SNX9: variants seen among roughly 807,000 people sequenced by gnomAD.
SNX9 encodes the protein sorting nexin-9.
A neutral mutation model predicts 89.4 loss-of-function variants in SNX9; 44 were observed. That is an observed-to-expected ratio of 0.49 (90% CI 0.39 to 0.63). SNX9 has a LOEUF of 0.63. Among genes scored for constraint, SNX9 ranks in the 30% least tolerant of loss-of-function variants. SNX9 has a pLI of 0.00. For synonymous variants in SNX9, 236 were observed against 247.8 expected (o/e 0.95, Z 0.45); for missense variants, 578 against 736.1 (o/e 0.79, Z 2.49).
intron 1 of SNX9, among the ~76,000 whole-genome samples, chr6:157,859,570 G>T (rs1218658306): frequency 1.3e-5 from 2 of 152,212 alleles, no homozygotes; most frequent in African/African-American, 4.8e-5. Flanking sequence ...TATTCTGTTT[G>T]TGAAGCTGTA....
At chr6:157,826,831 T>G (rs1583185102) in intron 1 of SNX9, among the ~76,000 whole-genome samples, 2 of 116,436 alleles carry the variant, frequency 1.7e-5, no homozygotes, top group South Asian at 4.5e-4. Flanking sequence ...TATTATATTT[T>G]ATATATATAT....
chr6:157,829,803 A>T (rs1781447800), intron 1 of SNX9, among the ~76,000 whole-genome samples: 1 of 152,162 alleles, frequency 6.6e-6, no homozygotes, highest in Non-Finnish European at 1.5e-5. Context: ...CCAATAGCTG[A>T]ATTTTACCTT....
chr6:157,928,772 A>T, intron 12 of SNX9, 70 bp downstream of exon 12: 1 of 1,200,018 alleles, frequency 8.3e-7, no homozygotes, highest in Non-Finnish European at 1.1e-6. Flanking sequence ...GTCCCTTATC[A>T]TAGAGGGGAA....
At chr6:157,853,435 G>T (rs1168357131) in intron 1 of SNX9, among the ~76,000 whole-genome samples, 47 of 151,878 alleles carry the variant, frequency 3.1e-4, no homozygotes, top group Non-Finnish European at 1.0e-4. Flanking sequence ...TTTCTTTGTG[G>T]TTTTTTTCCT....
At chr6:157,878,063 T>C (rs1782552984) in intron 4 of SNX9, among the ~76,000 whole-genome samples, 1 of 152,232 alleles carries the variant, frequency 6.6e-6, no homozygotes, top group South Asian at 2.1e-4. Flanking sequence ...AAGATAGCAC[T>C]TTCTTTTGGT....
chr6:157,883,252 C>T (rs974975823), intron 4 of SNX9, among the ~76,000 whole-genome samples: 79 of 152,204 alleles, frequency 5.2e-4, no homozygotes, highest in African/African-American at 1.8e-3. Flanking sequence ...CTCTCGCACA[C>T]TTATACGGTA....
At chr6:157,844,106 C>T (rs928860718) in intron 1 of SNX9, among the ~76,000 whole-genome samples, 4 of 151,966 alleles carry the variant, frequency 2.6e-5, no homozygotes, top group Admixed American at 6.6e-5. Context: ...AACTCCTGGC[C>T]CCAAGCTGTC....
In SNX9 at chr6:157,823,530, G is replaced by C. The variant is rs1036676277; in HGVS notation, c.12+84G>C. On this transcript the variant is annotated intron_variant, in intron 1 of 17. Transcript: ENST00000392185. The surrounding 1 kb of genome is among the most constrained non-coding windows in gnomAD (Gnocchi z 4.6). ...GGTCGGGGCCGGGGCCGCGGGGAGG[G>C]TCGGGGCCAGGGGTGGTCGAGGGGC... 150 of 1,114,380 alleles carry C rather than the reference G, an allele frequency of 1.3e-4. No individual in the cohort carries two copies. Among genetic ancestry groups the C allele is most frequent in the Middle Eastern group, 3.6e-4 (1 of 2,746 alleles). 69.0% of individuals were successfully genotyped at this position (1,114,380 alleles called of 1,614,324 possible).
intron 12 of SNX9, among the ~76,000 whole-genome samples, chr6:157,931,280 G>A (rs949391247): frequency 6.7e-6 from 1 of 150,342 alleles, no homozygotes; most frequent in Admixed American, 6.6e-5. Flanking sequence ...AACTGAGCTC[G>A]TGTAATTTGG....
Position 157,944,280 on chromosome 6 carries a change from C to T in SNX9, c.*1442C>T, listed in dbSNP as rs1287570627. 3 of 152,578 alleles carry T rather than the reference C, an allele frequency of 2.0e-5. No individual in the cohort carries two copies. Among genetic ancestry groups the T allele is most frequent in the Non-Finnish European group, 4.4e-5 (3 of 68,036 alleles). The allele number at this position is 152,578 out of a possible 1,614,324, so 9.5% of individuals were successfully genotyped here. On this transcript the variant is annotated 3_prime_UTR_variant, in exon 18 of 18. Coordinates refer to ENST00000392185, the MANE Select transcript of SNX9 (RefSeq NM_016224.5). Reference sequence around the variant, plus strand: ...GACACCAAAAATAAGTAGATGAAATCAAATGAATATGAGAACATCTTGTTC... The same window carrying T: ...GACACCAAAAATAAGTAGATGAAATTAAATGAATATGAGAACATCTTGTTC...
At chr6:157,862,398 A>G (rs187962692) in intron 1 of SNX9, among the ~76,000 whole-genome samples, 90 of 152,368 alleles carry the variant, frequency 5.9e-4, no homozygotes, top group Non-Finnish European at 1.1e-3. Context: ...TTAAAGAGGT[A>G]AACTAGTTAT....
At chr6:157,897,627 C>T (rs991652969) in intron 5 of SNX9, among the ~76,000 whole-genome samples, 2 of 152,142 alleles carry the variant, frequency 1.3e-5, no homozygotes, top group Non-Finnish European at 2.9e-5. Flanking sequence ...CTCACCTCAG[C>T]CTCCTGAGTA....
intron 1 of SNX9, among the ~76,000 whole-genome samples, chr6:157,854,953 T>TAA (rs538405265): frequency 6.2e-5 from 8 of 129,310 alleles, no homozygotes; most frequent in East Asian, 2.2e-4. Context: ...AGGTTCATGT[T>TAA]AAAAAAAAAA....
chr6:157,935,896 T>A, intron 13 of SNX9, 68 bp from the exon 14 acceptor site: 2 of 1,130,378 alleles, frequency 1.8e-6, no homozygotes, highest in Non-Finnish European at 2.5e-6. Context: ...AAATCAATAA[T>A]AAAATTTTAA....
Position 157,901,884 on chromosome 6 carries a change from A to AT in SNX9, c.473-10dup, listed in dbSNP as rs1783105225. On this transcript the variant is annotated splice_polypyrimidine_tract_variant and intron_variant, in intron 5 of 17. Coordinates refer to ENST00000392185, the MANE Select transcript of SNX9 (RefSeq NM_016224.5). ...TTTTTTTTTTAACTGATGATCTTCC[A>AT]TTTTCACCTCTAGCAACTGGTGATG... The AT allele has an allele frequency of 1.3e-6, 2 of 1,564,306 alleles. No homozygotes were observed.
chr6:157,850,403 A>G (rs1781888574), intron 1 of SNX9, among the ~76,000 whole-genome samples: 2 of 152,092 alleles, frequency 1.3e-5, no homozygotes, highest in South Asian at 2.1e-4. Context: ...GGGTTGAGGG[A>G]TGGTTTCTTC....
intron 16 of SNX9, among the ~76,000 whole-genome samples, chr6:157,940,561 G>A (rs1784017061): frequency 6.6e-6 from 1 of 152,204 alleles, no homozygotes; most frequent in African/African-American, 2.4e-5. Flanking sequence ...GGGATTACAG[G>A]CACCTGTTGC....
At position 157,896,964 on chromosome 6, in the gene SNX9, T is replaced by G. The variant is rs780283395; in HGVS notation, c.438T>G (p.Thr146=). Residue 146 remains threonine (T), a synonymous_variant, in exon 5 of 18, where the codon ACT becomes ACG. Coordinates refer to ENST00000392185, the MANE Select transcript of SNX9 (RefSeq NM_016224.5). ...RNTNTPNNWD[T]AFGHPQAYQG... is the part of the protein sequence containing the mutation. Reference sequence around the variant, plus strand: ...CAAACACTCCCAACAACTGGGACACTGCCTTCGGCCACCCCCAGGCCTACC... The same window carrying G: ...CAAACACTCCCAACAACTGGGACACGGCCTTCGGCCACCCCCAGGCCTACC... 1 of 1,610,504 alleles carries G rather than the reference T, an allele frequency of 6.2e-7. No individual in the cohort carries two copies. Among genetic ancestry groups the G allele is most frequent in the East Asian group, 2.2e-5 (1 of 44,860 alleles).
At chr6:157,875,225 GAGC>G (rs1562601676) in intron 4 of SNX9, 49 bp downstream of exon 4, 1 of 1,571,250 alleles carries the variant, frequency 6.4e-7, no homozygotes, top group East Asian at 2.3e-5. Context: ...ACGGAAAACA[GAGC>G]GTATTTGTGA....
Sources: gnomAD v4.1 joint callset for allele counts (sites outside exome capture counted in the v4.1 genomes callset) on GRCh38, gnomAD v4.1.1 for gene constraint, Gnocchi (gnomAD v3.1) non-coding constraint, MANE v1.5 for transcripts, NCBI Gene and HGNC (gene_info 2026-07-23, HGNC 2026-07-21) for gene names.